PKNOX2: variants seen among roughly 807,000 people sequenced by gnomAD.
The protein encoded by PKNOX2 is homeobox protein PKNOX2.
In PKNOX2, 14 loss-of-function variants were observed where a neutral mutation model predicts 53.1. The ratio of observed to expected loss-of-function variants is 0.26; its 90% CI spans 0.17 to 0.41. The LOEUF (loss-of-function observed/expected upper bound fraction) is 0.41. PKNOX2 is among the 10% of genes least tolerant of loss of function. PKNOX2 has a pLI of 1.00. For synonymous variants in PKNOX2, 257 were observed against 242.8 expected (o/e 1.06, Z -0.54); for missense variants, 496 against 602.8 (o/e 0.82, Z 1.85).
Position 125,198,567 on chromosome 11 carries a change from CT to C in PKNOX2, c.-201+33795del, listed in dbSNP as rs539877774. Among the ~76,000 whole-genome samples, 484 of 152,310 alleles carry C rather than the reference CT, an allele frequency of 3.2e-3. 14 individuals are homozygous for C. In the South Asian group the frequency reaches 0.064, roughly 20 times the overall value. ...AGTACAAGTGAATTTGGAAGACAGG[CT>C]TTTCACAGGGTAGTAAAATAATCAG... On this transcript the variant is annotated intron_variant, in intron 1 of 12. Transcript: ENST00000298282.
At chr11:125,319,318 A>G (rs1441612050) in intron 2 of PKNOX2, among the ~76,000 whole-genome samples, 2 of 152,254 alleles carry the variant, frequency 1.3e-5, no homozygotes, top group African/African-American at 2.4e-5. Context: ...ACAGATCACC[A>G]TAACATATAT....
chr11:125,429,452 C>T (rs1480874085), intron 11 of PKNOX2, among the ~76,000 whole-genome samples: 1 of 152,206 alleles, frequency 6.6e-6, no homozygotes, highest in Admixed American at 6.5e-5. Flanking sequence ...CTTCCCCACC[C>T]CCATGTGAAC....
intron 10 of PKNOX2, among the ~76,000 whole-genome samples, chr11:125,412,313 G>T (rs192220439): frequency 6.6e-6 from 1 of 152,202 alleles, no homozygotes; most frequent in Non-Finnish European, 1.5e-5. Flanking sequence ...CACTGGGTGA[G>T]CCAAGCGCTG....
intron 1 of PKNOX2, among the ~76,000 whole-genome samples, chr11:125,222,805 G>A (rs1488315385): frequency 1.7e-4 from 25 of 151,218 alleles, no homozygotes; most frequent in African/African-American, 5.1e-4. Flanking sequence ...GTGTGTGTGC[G>A]TGTGTATGTG....
chr11:125,399,585 G>A (rs923752554), intron 7 of PKNOX2, among the ~76,000 whole-genome samples: 3 of 152,222 alleles, frequency 2.0e-5, no homozygotes, highest in Admixed American at 2.0e-4. Context: ...AAGCCATCCT[G>A]TGGCTATTGT....
At chr11:125,339,689 T>C (rs73622804) in intron 3 of PKNOX2, among the ~76,000 whole-genome samples, 11,251 of 152,208 alleles carry the variant, frequency 0.074, 1,377 homozygotes, top group African/African-American at 0.25. Context: ...AGAATCCCAG[T>C]AATGTGATTC....
At chr11:125,260,287 C>T (rs1199870172) in intron 2 of PKNOX2, among the ~76,000 whole-genome samples, 3 of 152,154 alleles carry the variant, frequency 2.0e-5, no homozygotes, top group African/African-American at 7.2e-5. Context: ...CAATCTCCAC[C>T]TCCCAGGTTC....
At chr11:125,248,965 C>T (rs1048648547) in intron 2 of PKNOX2, among the ~76,000 whole-genome samples, 10 of 126,312 alleles carry the variant, frequency 7.9e-5, no homozygotes, top group African/African-American at 3.1e-4. Context: ...TATATACATA[C>T]ATATATACAT....
intron 5 of PKNOX2, among the ~76,000 whole-genome samples, chr11:125,382,638 C>T (rs1479511154): frequency 6.6e-6 from 1 of 152,236 alleles, no homozygotes; most frequent in African/African-American, 2.4e-5. Context: ...AGCTAAACCA[C>T]TGCAGGGCTC....
intron 1 of PKNOX2, among the ~76,000 whole-genome samples, chr11:125,174,848 C>T (rs1955588438): frequency 6.6e-6 from 1 of 152,086 alleles, no homozygotes; most frequent in Non-Finnish European, 1.5e-5. Context: ...CTCTCCCGGC[C>T]CCTCTCCCAC....
At chr11:125,268,981 G>T (rs1945573752) in intron 2 of PKNOX2, among the ~76,000 whole-genome samples, 1 of 143,650 alleles carries the variant, frequency 7.0e-6, no homozygotes. Context: ...GTGGAGGGCA[G>T]GGGGGCTGCT....
chr11:125,309,603 GT>G (rs1296635812), intron 2 of PKNOX2, among the ~76,000 whole-genome samples: 1 of 152,028 alleles, frequency 6.6e-6, no homozygotes, highest in African/African-American at 2.4e-5. Flanking sequence ...GGCCAGGCTG[GT>G]ATCGAACTCC....
chr11:125,243,683 C>T (rs1434348404), intron 2 of PKNOX2, among the ~76,000 whole-genome samples: 5 of 149,952 alleles, frequency 3.3e-5, no homozygotes, highest in African/African-American at 1.2e-4. Flanking sequence ...AGTGCAGTGG[C>T]GTGATCTCAG....
chr11:125,415,007 C>G (rs918652526), intron 10 of PKNOX2, among the ~76,000 whole-genome samples: 10 of 152,142 alleles, frequency 6.6e-5, no homozygotes, highest in Non-Finnish European at 1.5e-4. Flanking sequence ...GAGTAACGGA[C>G]AGTACTGTGA....
rs540295930 is a variant in PKNOX2, at chr11:125,333,101, T to C, written c.-23+1176T>C. 2.6e-5 allele frequency among the ~76,000 whole-genome samples: 4 copies of C among 152,290 alleles called. No individual in the cohort carries two copies. The East Asian group carries it at 7.7e-4, about 29-fold the overall frequency. ...GAGCCTTTTCAACATTTGGAGTCTG[T>C]GTAGCAGAGTGATGTCACAAGGAGT... On this transcript the variant is annotated intron_variant, in intron 3 of 12. Transcript: ENST00000298282.
intron 5 of PKNOX2, among the ~76,000 whole-genome samples, chr11:125,381,869 G>GTC (rs1325804773): frequency 2.0e-5 from 3 of 152,174 alleles, no homozygotes; most frequent in Admixed American, 1.3e-4. Context: ...GCGTGACTAC[G>GTC]TCTCATCATC....
rs143252740 is a variant in PKNOX2 at position 125,209,447 on chromosome 11, G to A, written c.-200-25598G>A. Among the ~76,000 whole-genome samples, 499 of 152,136 alleles carry A rather than the reference G, an allele frequency of 3.3e-3. 3 individuals carry two copies. The highest frequency in any genetic ancestry group is 0.012 in the African/African-American group (483 of 41,530). The stretch of plus-strand genomic sequence containing the variant: ...CAATTGATGGGCATCACTATGGGAT[G>A]GAGGGTCAGAGACCAGGTGGGGTCA... On this transcript the variant is annotated intron_variant, in intron 1 of 12. Transcript: ENST00000298282.
intron 2 of PKNOX2, among the ~76,000 whole-genome samples, chr11:125,311,141 T>C (rs757091827): frequency 8.5e-5 from 13 of 152,198 alleles, no homozygotes; most frequent in Admixed American, 7.9e-4. Context: ...TACTCTTCCA[T>C]GCCTTGTTCC....
intron 2 of PKNOX2, among the ~76,000 whole-genome samples, chr11:125,286,687 A>G (rs1239567519): frequency 6.6e-6 from 1 of 152,224 alleles, no homozygotes; most frequent in Non-Finnish European, 1.5e-5. Context: ...GCAATGGCCA[A>G]AGCTGTGATT....
Sources: gnomAD v4.1 joint callset for allele counts (sites outside exome capture counted in the v4.1 genomes callset) on GRCh38, gnomAD v4.1.1 for gene constraint, MANE v1.5 for transcripts, NCBI Gene and HGNC (gene_info 2026-07-23, HGNC 2026-07-21) for gene names.